Variants in ITPK1 observed in about 807,000 individuals in gnomAD.
ITPK1 encodes inositol 1,3,4-trisphosphate 5/6-kinase.
Under a neutral mutation model 45.3 loss-of-function variants are expected in ITPK1, and 21 were observed. The ratio of observed to expected loss-of-function variants is 0.46; its 90% CI spans 0.33 to 0.67. The LOEUF is 0.67. Among genes scored for constraint, ITPK1 ranks in the 30% least tolerant of loss-of-function variants. The pLI, the probability that ITPK1 is intolerant of heterozygous loss-of-function variation, is 0.02. For synonymous variants in ITPK1, 258 were observed against 253.6 expected, an observed-to-expected ratio of 1.02 and a Z score of -0.16; for missense variants, 474 against 573.5, an observed-to-expected ratio of 0.83 and a Z score of 1.77.
rs1888709190 is a variant in ITPK1, at chr14:93,025,893, T to C, written c.121-9092A>G. ...TCCCAGCATGGGATTGTTGGAAGGT[T>C]GAGGCAGGTGGATCGCCTGAGTCCA... On this transcript the variant is annotated intron_variant, in intron 3 of 10. Coordinates refer to ENST00000267615, the MANE Select transcript of ITPK1 (RefSeq NM_014216.6). 2.0e-5 allele frequency among the ~76,000 whole-genome samples: 3 copies of C among 152,200 alleles called. No homozygotes were observed. The South Asian group carries it at 6.2e-4, about 31-fold the overall frequency.
intron 2 of ITPK1, among the ~76,000 whole-genome samples, chr14:93,110,266 C>A (rs938095325): frequency 6.6e-6 from 1 of 152,164 alleles, no homozygotes; most frequent in African/African-American, 2.4e-5. Context: ...GTTATGAATA[C>A]TCCCTGTGCA....
At chr14:93,056,292 G>A (rs899200061) in intron 3 of ITPK1, among the ~76,000 whole-genome samples, 3 of 152,176 alleles carry the variant, frequency 2.0e-5, no homozygotes, top group African/African-American at 4.8e-5. Flanking sequence ...ACCAAGAACC[G>A]CCAGGCCAAG....
At chr14:93,087,810 C>T (rs1389437082) in intron 2 of ITPK1, among the ~76,000 whole-genome samples, 6 of 152,218 alleles carry the variant, frequency 3.9e-5, no homozygotes, top group Non-Finnish European at 7.3e-5. Flanking sequence ...GGGAGGAGCA[C>T]AGCACAGCTT....
chr14:92,958,027 T>C lies in ITPK1; in HGVS notation c.670+174A>G, dbSNP rs1884837964. ...CCAGGGAATAGGGACATTTTACTAG[T>C]TCCCCAAGACCTCTTTATCCACCGT... On this transcript the variant is annotated intron_variant, in intron 8 of 10. Coordinates refer to ENST00000267615, the MANE Select transcript of ITPK1 (RefSeq NM_014216.6). This position sits in a 1 kb window ranked among gnomAD's most constrained non-coding sequence, Gnocchi z 4.4. 6.6e-6 allele frequency among the ~76,000 whole-genome samples: 1 copy of C among 152,138 alleles called. No individual in the cohort carries two copies. The highest frequency in any genetic ancestry group is 2.4e-5 in the African/African-American group (1 of 41,444).
At chr14:92,966,982 C>A (rs531550731) in intron 5 of ITPK1, among the ~76,000 whole-genome samples, 2 of 152,180 alleles carry the variant, frequency 1.3e-5, no homozygotes, top group Non-Finnish European at 1.5e-5. Context: ...GCTAGAACTA[C>A]AAAACTTTAA....
chr14:93,001,108 C>A (rs907013524), intron 4 of ITPK1, among the ~76,000 whole-genome samples: 5 of 150,334 alleles, frequency 3.3e-5, no homozygotes, highest in Non-Finnish European at 4.4e-5. Flanking sequence ...GCCTGGCCAA[C>A]ATGGTGAAAC....
intron 2 of ITPK1, among the ~76,000 whole-genome samples, chr14:93,085,154 T>A (rs977099796): frequency 6.6e-6 from 1 of 152,262 alleles, no homozygotes; most frequent in African/African-American, 2.4e-5. Context: ...ATTTTCCTCC[T>A]ATTAACAGTG....
chr14:93,096,717 T>G (rs1410730843), intron 2 of ITPK1, among the ~76,000 whole-genome samples: 1 of 152,160 alleles, frequency 6.6e-6, no homozygotes, highest in Non-Finnish European at 1.5e-5. Flanking sequence ...GCTCTCCCAG[T>G]TGGAATGTTC....
chr14:92,968,999 C>T (rs1015073506), intron 5 of ITPK1, among the ~76,000 whole-genome samples: 8 of 152,190 alleles, frequency 5.3e-5, no homozygotes, highest in South Asian at 2.1e-4. Flanking sequence ...GAGCTGCCCC[C>T]GCTCGGGTTG....
At chr14:93,033,546 G>A (rs1889166783) in intron 3 of ITPK1, among the ~76,000 whole-genome samples, 1 of 152,170 alleles carries the variant, frequency 6.6e-6, no homozygotes, top group Non-Finnish European at 1.5e-5. Context: ...CCAGGAGTGA[G>A]GGCCCCAGGA....
intron 3 of ITPK1, among the ~76,000 whole-genome samples, chr14:93,020,596 G>A (rs373586540): frequency 1.3e-4 from 20 of 152,252 alleles, no homozygotes; most frequent in Admixed American, 3.9e-4. Flanking sequence ...CCCTTTGCAC[G>A]TCGCTCCAGG....
intron 3 of ITPK1, among the ~76,000 whole-genome samples, chr14:93,042,806 T>G (rs1186528942): frequency 6.6e-6 from 1 of 152,060 alleles, no homozygotes; most frequent in Non-Finnish European, 1.5e-5. Flanking sequence ...TCACTTGAGG[T>G]CAGGAGTTCA....
intron 2 of ITPK1, among the ~76,000 whole-genome samples, chr14:93,110,420 C>T (rs775428177): frequency 3.9e-5 from 6 of 152,224 alleles, no homozygotes; most frequent in Non-Finnish European, 8.8e-5. Context: ...TCCTTCCTCC[C>T]TGCAGAGAAT....
At chr14:93,075,727 C>A (rs937170560) in intron 3 of ITPK1, among the ~76,000 whole-genome samples, 7 of 152,182 alleles carry the variant, frequency 4.6e-5, no homozygotes, top group Admixed American at 1.3e-4. Context: ...TTGAAAGCCC[C>A]TTAGATATTC....
intron 2 of ITPK1, among the ~76,000 whole-genome samples, chr14:93,096,599 C>A (rs1302040938): frequency 6.6e-6 from 1 of 152,194 alleles, no homozygotes; most frequent in East Asian, 1.9e-4. Flanking sequence ...GGTCTGGATG[C>A]AATCTGGAAA....
At chr14:93,005,857 G>C (rs894391693) in intron 4 of ITPK1, among the ~76,000 whole-genome samples, 1 of 152,160 alleles carries the variant, frequency 6.6e-6, no homozygotes, top group African/African-American at 2.4e-5. Context: ...TTGGTAAAAA[G>C]GACAGGGAGG....
intron 3 of ITPK1, among the ~76,000 whole-genome samples, chr14:93,048,233 C>A (rs935865780): frequency 9.2e-5 from 14 of 152,230 alleles, no homozygotes; most frequent in Non-Finnish European, 2.1e-4. Flanking sequence ...ACACTCAAAG[C>A]ACTGGCATCC....
In ITPK1 at chr14:93,076,579, C is replaced by T. The variant is rs199816982; in HGVS notation, c.120+16G>A. The T allele has an allele frequency of 5.6e-5, 91 of 1,614,136 alleles. No homozygotes were observed. In the East Asian group the frequency reaches 1.6e-3, roughly 28 times the overall value. On this transcript the variant is annotated intron_variant, in intron 3 of 10. Transcript: ENST00000267615. This position sits in a 1 kb window ranked among gnomAD's most constrained non-coding sequence, Gnocchi z 4.3. ...CCCACTACCCAAAGAACCACGGGGA[C>T]GCGGTCTGTACTCACCTGCACAACC...
intron 3 of ITPK1, among the ~76,000 whole-genome samples, chr14:93,031,714 C>T (rs958989546): frequency 2.0e-5 from 3 of 152,172 alleles, no homozygotes; most frequent in African/African-American, 7.2e-5. Flanking sequence ...GGGATTCCGA[C>T]TTCATGTCCC....
Sources: gnomAD v4.1 joint callset for allele counts (sites outside exome capture counted in the v4.1 genomes callset) on GRCh38, gnomAD v4.1.1 for gene constraint, Gnocchi (gnomAD v3.1) non-coding constraint, MANE v1.5 for transcripts, NCBI Gene and HGNC (gene_info 2026-07-23, HGNC 2026-07-21) for gene names.